Variants in ATXN1 observed in about 807,000 individuals in gnomAD.
ATXN1 encodes ataxin-1.
Under a neutral mutation model 56.4 loss-of-function variants are expected in ATXN1, and 8 were observed. The ratio of observed to expected loss-of-function variants is 0.14; its 90% CI spans 0.08 to 0.26. ATXN1 has a LOEUF of 0.26. ATXN1 is among the 10% of genes least tolerant of loss of function. The probability of loss-of-function intolerance (pLI) is 1.00; values close to 1 mark genes in which losing one functional copy is unlikely to be tolerated. For missense variants in ATXN1, 987 were observed against 1,106.5 expected (o/e 0.89, Z 1.53); for synonymous variants, 514 against 494.6 (o/e 1.04, Z -0.52).
In ATXN1 at chr6:16,533,397, G is replaced by A. The variant is rs140971015; in HGVS notation, c.-360-10709C>T. Reference sequence around the variant, plus strand: ...CCTCGTTTGAGTGTTCCAGGAAATCGGCTTCCACATCTAGGAATCACTTGG... The same window carrying A: ...CCTCGTTTGAGTGTTCCAGGAAATCAGCTTCCACATCTAGGAATCACTTGG... On this transcript the variant is annotated intron_variant, in intron 4 of 7. Transcript: ENST00000436367. 5.9e-5 allele frequency among the ~76,000 whole-genome samples: 9 copies of A among 152,220 alleles called. No homozygotes were observed. In the East Asian group the frequency reaches 1.7e-3, roughly 29 times the overall value.
intron 3 of ATXN1, among the ~76,000 whole-genome samples, chr6:16,607,996 T>C (rs990574442): frequency 1.7e-4 from 26 of 152,188 alleles, no homozygotes; most frequent in African/African-American, 5.1e-4. Flanking sequence ...CATTAAAGTC[T>C]CATGGAGAAA....
chr6:16,657,683 C>G (rs1196260111), intron 3 of ATXN1, 93 bp downstream of exon 3: 2 of 152,150 alleles, frequency 1.3e-5, no homozygotes, highest in Admixed American at 1.3e-4. Context: ...AGAGAAATAG[C>G]AATACGCTTG....
intron 6 of ATXN1, chr6:16,432,501 A>C (rs2113583828): frequency 6.6e-6 from 1 of 152,350 alleles, no homozygotes; most frequent in Non-Finnish European, 1.5e-5. Context: ...TAATAGTTAA[A>C]ACATTTAAAC....
At chr6:16,403,582 C>T (rs531180905) in intron 6 of ATXN1, among the ~76,000 whole-genome samples, 1 of 152,292 alleles carries the variant, frequency 6.6e-6, no homozygotes, top group Non-Finnish European at 1.5e-5. Context: ...AACTCTTGAG[C>T]TCAAGTGATC....
intron 4 of ATXN1, among the ~76,000 whole-genome samples, chr6:16,543,984 T>A (rs1040564708): frequency 4.6e-4 from 70 of 152,320 alleles, no homozygotes; most frequent in Non-Finnish European, 7.3e-5. Context: ...CTATCAAGTC[T>A]GAAGTACTGG....
intron 6 of ATXN1, among the ~76,000 whole-genome samples, chr6:16,387,487 G>A (rs910984364): frequency 6.6e-6 from 1 of 152,188 alleles, no homozygotes; most frequent in Admixed American, 6.5e-5. Flanking sequence ...ATGCTTGCTC[G>A]TGATTCTCAA....
chr6:16,753,882 A>C (rs1345987353), intron 1 of ATXN1, among the ~76,000 whole-genome samples: 2 of 121,044 alleles, frequency 1.7e-5, no homozygotes, highest in African/African-American at 6.9e-5. Context: ...TATATTCACT[A>C]AACTTTCCAC....
chr6:16,502,011 T>C (rs1760895160), intron 5 of ATXN1, among the ~76,000 whole-genome samples: 1 of 152,148 alleles, frequency 6.6e-6, no homozygotes, highest in African/African-American at 2.4e-5. Context: ...TTCTATACAA[T>C]AGATTTAGGA....
intron 6 of ATXN1, among the ~76,000 whole-genome samples, chr6:16,459,936 C>G (rs1341020885): frequency 2.6e-5 from 4 of 152,214 alleles, no homozygotes; most frequent in Non-Finnish European, 5.9e-5. Context: ...CTGCCTACAA[C>G]AAGTCAAATA....
chr6:16,347,999 A>G (rs1210397750), intron 6 of ATXN1, among the ~76,000 whole-genome samples: 2 of 152,260 alleles, frequency 1.3e-5, no homozygotes, highest in Non-Finnish European at 2.9e-5. Flanking sequence ...CAGTGAGACC[A>G]TGAACCCACA....
chr6:16,469,854 T>C (rs1760182007), intron 6 of ATXN1, among the ~76,000 whole-genome samples: 1 of 151,802 alleles, frequency 6.6e-6, no homozygotes, highest in African/African-American at 2.4e-5. Context: ...TCCCAGCTAC[T>C]TGGGAGGCTG....
At chr6:16,697,143 G>T (rs1179182674) in intron 2 of ATXN1, among the ~76,000 whole-genome samples, 1 of 152,172 alleles carries the variant, frequency 6.6e-6, no homozygotes, top group Non-Finnish European at 1.5e-5. Flanking sequence ...CAATTTAGGT[G>T]AATTTCCATA....
At chr6:16,352,615 G>T (rs530523417) in intron 6 of ATXN1, among the ~76,000 whole-genome samples, 10 of 152,162 alleles carry the variant, frequency 6.6e-5, no homozygotes, top group Middle Eastern at 3.4e-3. Flanking sequence ...AAGGCACATC[G>T]AGGGCTCCCT....
chr6:16,572,944 A>C (rs1468243614), intron 4 of ATXN1, among the ~76,000 whole-genome samples: 1 of 152,210 alleles, frequency 6.6e-6, no homozygotes, highest in Non-Finnish European at 1.5e-5. Context: ...GTGATTTAAC[A>C]GAGTTTTTAT....
chr6:16,602,790 T>C (rs1263432099), intron 3 of ATXN1, among the ~76,000 whole-genome samples: 1 of 152,104 alleles, frequency 6.6e-6, no homozygotes, highest in Non-Finnish European at 1.5e-5. Context: ...TAAGGTAACG[T>C]CTCCTACTTT....
At chr6:16,482,058 A>G (rs1457403196) in intron 6 of ATXN1, among the ~76,000 whole-genome samples, 1 of 151,924 alleles carries the variant, frequency 6.6e-6, no homozygotes, top group Non-Finnish European at 1.5e-5. Context: ...ATTTCTTTAT[A>G]CACATCAAGT....
Position 16,327,485 on chromosome 6 carries a change from T to C in ATXN1, c.826A>G (p.Met276Val), listed in dbSNP as rs773970327. The C allele has an allele frequency of 8.1e-6, 13 of 1,613,000 alleles. No homozygotes were observed. Among genetic ancestry groups the C allele is most frequent in the African/African-American group, 1.3e-5 (1 of 74,846 alleles). Reference protein sequence around the residue: ...IPVHLHPHQTMIPHTLTLGPP... With the variant: ...IPVHLHPHQTVIPHTLTLGPP... ...CCCAGGGTGAGCGTGTGTGGGATCATCGTCTGGTGGGGGTGGAGGTGGACG... is the reference window on the plus strand; with the variant it reads ...CCCAGGGTGAGCGTGTGTGGGATCACCGTCTGGTGGGGGTGGAGGTGGACG... Residue 276 changes from methionine to valine, a missense_variant, in exon 7 of 8, where the codon ATG (methionine) becomes GTG (valine). By Grantham distance (21) the Met-to-Val change is conservative. Transcript: ENST00000436367.
intron 2 of ATXN1, among the ~76,000 whole-genome samples, chr6:16,689,507 T>A (rs1184712831): frequency 7.6e-6 from 1 of 132,362 alleles, no homozygotes; most frequent in East Asian, 2.0e-4. Flanking sequence ...TTCCTTTTTT[T>A]TTCTTTTTTT....
In ATXN1 at chr6:16,300,317, T is replaced by G. The variant is rs567145819; in HGVS notation, c.*6012A>C. The G allele has an allele frequency of 6.6e-6, 1 of 152,656 alleles. No homozygotes were observed. The allele number at this position is 152,656 out of a possible 1,614,324, so 9.5% of individuals were successfully genotyped here. A position where few individuals can be genotyped will look rare whatever the true frequency, so the allele number is the denominator to read the frequency against. On this transcript the variant is annotated 3_prime_UTR_variant, in exon 8 of 8. Transcript: ENST00000436367. ...CTTAATTTTAATACAGTTGAACCAT[T>G]TGTATGCAAGTCATGGGGACATGAA...
Sources: gnomAD v4.1 joint callset for allele counts (sites outside exome capture counted in the v4.1 genomes callset) on GRCh38, gnomAD v4.1.1 for gene constraint, MANE v1.5 for transcripts, NCBI Gene and HGNC (gene_info 2026-07-23, HGNC 2026-07-21) for gene names.